Variants in URI1 observed in about 807,000 individuals in gnomAD.
The protein encoded by URI1 is unconventional prefoldin RPB5 interactor 1.
URI1 carries 39 observed loss-of-function variants against 60.2 expected under a neutral mutation model. That is an observed-to-expected ratio of 0.65 (90% confidence interval 0.50 to 0.85). The LOEUF (loss-of-function observed/expected upper bound fraction) is 0.85, where lower values mean the gene tolerates loss of function less well. URI1 is among the 40% of genes least tolerant of loss of function. The probability of loss-of-function intolerance (pLI) is 0.00; values close to 1 mark genes in which losing one functional copy is unlikely to be tolerated. For synonymous variants in URI1, 251 were observed against 236.8 expected, an observed-to-expected ratio of 1.06 and a Z score of -0.55; for missense variants, 691 against 665.9, an observed-to-expected ratio of 1.04 and a Z score of -0.42.
intron 1 of URI1, among the ~76,000 whole-genome samples, chr19:29,951,366 ATG>A (rs2055177436): frequency 6.6e-6 from 1 of 152,050 alleles, no homozygotes; most frequent in South Asian, 2.1e-4. Context: ...TTTTCTAACA[ATG>A]TATTTATTAG....
At chr19:30,012,198 A>T in intron 9 of URI1, 87 bp from the exon 10 acceptor site, 3 of 1,448,890 alleles carry the variant, frequency 2.1e-6, no homozygotes, top group Non-Finnish European at 2.8e-6. Flanking sequence ...ATTAATTTCT[A>T]GAATAGATTC....
intron 4 of URI1, among the ~76,000 whole-genome samples, chr19:29,998,930 GA>G (rs1343023264): frequency 6.6e-6 from 1 of 151,434 alleles, no homozygotes; most frequent in South Asian, 2.1e-4. Context: ...TTTTTATGGT[GA>G]ATGGTTTTGA....
At chr19:29,952,508 T>G (rs763384883) in intron 1 of URI1, among the ~76,000 whole-genome samples, 4 of 152,204 alleles carry the variant, frequency 2.6e-5, no homozygotes, top group Non-Finnish European at 5.9e-5. Context: ...CTTCCTCCAT[T>G]GGCATGGTTT....
At chr19:29,949,055 GCCCCCCGCCTCCCGGACGGGGCTT>G (rs1434637002) in intron 1 of URI1, among the ~76,000 whole-genome samples, 1 of 138,672 alleles carries the variant, frequency 7.2e-6, no homozygotes, top group African/African-American at 2.7e-5. Flanking sequence ...GGCGGGGGCT[GCCCCCCGCCTCCCGGACGGGGCTT>G]CTGCCGGGCG....
chr19:30,015,072 C>T lies in URI1; in HGVS notation c.*3C>T. 1.9e-6 allele frequency: 3 copies of T among 1,610,654 alleles called. No individual in the cohort carries two copies. The highest frequency in any genetic ancestry group is 2.7e-5 in the African/African-American group (2 of 74,686). On this transcript the variant is annotated 3_prime_UTR_variant, in exon 11 of 11. Coordinates refer to ENST00000392271, the MANE Select transcript of URI1 (RefSeq NM_003796.3). ...CCAGATTGCAACAGAAAGACTAGGC[C>T]CTGTCTAGGAAATGGGAATTTACAT...
In URI1 at chr19:29,997,786, A is replaced by G. The variant is rs141731073; in HGVS notation, c.368-7575A>G. ...TATTTTCTCTTTTCTTTTGAGACAG[A>G]GTCTCACTCACTCTGTTGCCCTGGC... is the stretch of plus-strand genomic sequence containing the variant. On this transcript the variant is annotated intron_variant, in intron 4 of 10. Coordinates refer to ENST00000392271, the MANE Select transcript of URI1 (RefSeq NM_003796.3). 5.9e-3 allele frequency among the ~76,000 whole-genome samples: 901 copies of G among 152,208 alleles called. 11 individuals carry two copies. The highest frequency in any genetic ancestry group is 0.021 in the African/African-American group (857 of 41,500).
rs1159048473 is a variant in URI1, at chr19:30,015,489, G to A, written c.*420G>A. On this transcript the variant is annotated 3_prime_UTR_variant, in exon 11 of 11. Transcript: ENST00000392271. ...AATAGATTCAACAATTACATTACTT[G>A]CTTTCACATTTTAAAGGCACTTTAA... The A allele has an allele frequency of 6.6e-7, 1 of 1,524,904 alleles. No individual in the cohort carries two copies. Among genetic ancestry groups the A allele is most frequent in the Non-Finnish European group, 8.7e-7 (1 of 1,143,674 alleles). The allele number at this position is 1,524,904 out of a possible 1,614,324, so 94.5% of individuals were successfully genotyped here. A position where few individuals can be genotyped will look rare whatever the true frequency, so the allele number is the denominator to read the frequency against.
chr19:29,996,167 G>A (rs1445889503), intron 4 of URI1, among the ~76,000 whole-genome samples: 1 of 151,986 alleles, frequency 6.6e-6, no homozygotes, highest in Non-Finnish European at 1.5e-5. Context: ...ATTTTACTGG[G>A]AGTTGCACTG....
At chr19:29,947,689 A>G (rs1465717918) in intron 1 of URI1, among the ~76,000 whole-genome samples, 1 of 152,244 alleles carries the variant, frequency 6.6e-6, no homozygotes, top group Non-Finnish European at 1.5e-5. Context: ...ATTGATTCAT[A>G]GTAATGACTG....
intron 2 of URI1, among the ~76,000 whole-genome samples, chr19:29,973,370 A>G (rs1269606260): frequency 1.3e-5 from 2 of 152,306 alleles, no homozygotes; most frequent in African/African-American, 2.4e-5. Flanking sequence ...CTCACACACT[A>G]CTTTTAAAAG....
At chr19:29,955,014 AT>A (rs1407735784) in intron 1 of URI1, among the ~76,000 whole-genome samples, 1 of 146,176 alleles carries the variant, frequency 6.8e-6, no homozygotes, top group South Asian at 2.2e-4. Context: ...TTTTTTTTTT[AT>A]TTTTTTGGAG....
chr19:29,936,306 T>C (rs2054971990), intron 1 of URI1, among the ~76,000 whole-genome samples: 2 of 152,056 alleles, frequency 1.3e-5, no homozygotes, highest in Admixed American at 6.6e-5. Flanking sequence ...TTTCGCCATA[T>C]TGGTCAGGCT....
At chr19:30,011,857 T>G (rs1213614140) in intron 9 of URI1, among the ~76,000 whole-genome samples, 2 of 136,256 alleles carry the variant, frequency 1.5e-5, no homozygotes, top group South Asian at 4.7e-4. Flanking sequence ...ATGAGAACAC[T>G]TGGACACAGG....
chr19:29,961,382 A>T (rs1259299356), intron 1 of URI1, among the ~76,000 whole-genome samples: 2 of 151,662 alleles, frequency 1.3e-5, no homozygotes, highest in African/African-American at 2.4e-5. Context: ...TGATTACTCT[A>T]AGTACCTTTA....
At chr19:30,009,622 C>T (rs2055993184) in intron 8 of URI1, among the ~76,000 whole-genome samples, 2 of 152,110 alleles carry the variant, frequency 1.3e-5, no homozygotes, top group Non-Finnish European at 2.9e-5. Context: ...GTAACTTCAC[C>T]TGTCCTTCAT....
At chr19:29,973,134 G>C (rs1198350854) in intron 2 of URI1, among the ~76,000 whole-genome samples, 1 of 152,092 alleles carries the variant, frequency 6.6e-6, no homozygotes, top group Non-Finnish European at 1.5e-5. Context: ...TGCTGTTTGG[G>C]AGAGTCGTGG....
At chr19:29,971,132 AT>A in intron 1 of URI1, 60 bp from the exon 2 acceptor site, 1 of 1,537,876 alleles carries the variant, frequency 6.5e-7, no homozygotes, top group Non-Finnish European at 9.0e-7. Context: ...AGATACACTG[AT>A]TTTTGTAGCT....
chr19:29,972,725 A>G (rs893936361), intron 2 of URI1, among the ~76,000 whole-genome samples: 7 of 152,142 alleles, frequency 4.6e-5, no homozygotes, highest in Admixed American at 1.3e-4. Context: ...GTTATTTTCT[A>G]TATAACATTT....
At chr19:30,000,600 T>G (rs901243172) in intron 4 of URI1, among the ~76,000 whole-genome samples, 1 of 152,008 alleles carries the variant, frequency 6.6e-6, no homozygotes, top group African/African-American at 2.4e-5. Context: ...TTCTGTTACC[T>G]CCTGTCTTTA....
Sources: gnomAD v4.1 joint callset for allele counts (sites outside exome capture counted in the v4.1 genomes callset) on GRCh38, gnomAD v4.1.1 for gene constraint, MANE v1.5 for transcripts, NCBI Gene and HGNC (gene_info 2026-07-23, HGNC 2026-07-21) for gene names.